KCNH1: variants seen among roughly 807,000 people sequenced by gnomAD.
The protein encoded by KCNH1 is potassium voltage-gated channel subfamily H member 1, also known as voltage-gated delayed rectifier potassium channel KCNH1.
KCNH1 carries 27 observed loss-of-function variants against 69.2 expected under a neutral mutation model. That is an observed-to-expected ratio of 0.39 (90% CI 0.29 to 0.54). The LOEUF is 0.54. Among genes scored for constraint, KCNH1 ranks in the 20% least tolerant of loss-of-function variants. The pLI, the probability that KCNH1 is intolerant of heterozygous loss-of-function variation, is 0.68. For synonymous variants in KCNH1, 456 were observed against 487.7 expected (o/e 0.93, Z 0.86); for missense variants, 798 against 1,261.6 (o/e 0.63, Z 5.57).
intron 1 of KCNH1, among the ~76,000 whole-genome samples, chr1:211,112,398 G>A (rs1197747677): frequency 1.3e-5 from 2 of 150,670 alleles, no homozygotes; most frequent in South Asian, 4.2e-4. Flanking sequence ...CTGCCCCGCC[G>A]CTGTGCAACT....
At chr1:210,935,038 T>C (rs576763671) in intron 6 of KCNH1, among the ~76,000 whole-genome samples, 2 of 151,772 alleles carry the variant, frequency 1.3e-5, no homozygotes, top group African/African-American at 2.4e-5. Context: ...GCTGCACTCA[T>C]GTTTACTATA....
At chr1:211,032,638 C>T (rs968772060) in intron 5 of KCNH1, among the ~76,000 whole-genome samples, 1 of 152,128 alleles carries the variant, frequency 6.6e-6, no homozygotes, top group African/African-American at 2.4e-5. Flanking sequence ...CTTTGACAAA[C>T]CTGACAAAAA....
intron 10 of KCNH1, among the ~76,000 whole-genome samples, chr1:210,742,140 A>C (rs1336029833): frequency 6.6e-6 from 1 of 152,206 alleles, no homozygotes; most frequent in African/African-American, 2.4e-5. Context: ...AAAGGCAGAG[A>C]ACACAAAAAA....
At chr1:210,765,342 G>A (rs1040376727) in intron 10 of KCNH1, among the ~76,000 whole-genome samples, 1 of 152,116 alleles carries the variant, frequency 6.6e-6, no homozygotes, top group Non-Finnish European at 1.5e-5. Context: ...CCAAACCTCA[G>A]CATCATGTAA....
chr1:210,743,958 G>T (rs143707295), intron 10 of KCNH1, among the ~76,000 whole-genome samples: 1 of 152,298 alleles, frequency 6.6e-6, no homozygotes, highest in African/African-American at 2.4e-5. Flanking sequence ...TGTCCATTGA[G>T]GTGGGTGGTT....
intron 10 of KCNH1, among the ~76,000 whole-genome samples, chr1:210,744,017 T>C (rs1236216116): frequency 1.3e-5 from 2 of 152,136 alleles, no homozygotes; most frequent in Non-Finnish European, 2.9e-5. Context: ...GCAGAAGGCT[T>C]TCCTAGACCA....
At chr1:211,013,187 G>A (rs1689426096) in intron 6 of KCNH1, among the ~76,000 whole-genome samples, 1 of 152,182 alleles carries the variant, frequency 6.6e-6, no homozygotes, top group Non-Finnish European at 1.5e-5. Context: ...TAAGTTAACA[G>A]GATAAGTAAT....
At chr1:210,754,561 T>C (rs965221608) in intron 10 of KCNH1, among the ~76,000 whole-genome samples, 6 of 152,064 alleles carry the variant, frequency 3.9e-5, no homozygotes, top group African/African-American at 1.2e-4. Context: ...GTTCTTATGA[T>C]AGTGAGTTCT....
intron 10 of KCNH1, among the ~76,000 whole-genome samples, chr1:210,709,407 A>G (rs1681996952): frequency 6.6e-6 from 1 of 152,180 alleles, no homozygotes; most frequent in Non-Finnish European, 1.5e-5. Context: ...TCTTCCTCAC[A>G]AGCTTCAGAG....
chr1:211,074,884 G>A (rs1281217122), intron 5 of KCNH1, among the ~76,000 whole-genome samples: 1 of 152,132 alleles, frequency 6.6e-6, no homozygotes, highest in Non-Finnish European at 1.5e-5. Flanking sequence ...GTGAATTTCG[G>A]ACACAAGCAG....
chr1:210,721,084 A>C (rs1324195433), intron 10 of KCNH1, among the ~76,000 whole-genome samples: 1 of 152,110 alleles, frequency 6.6e-6, no homozygotes, highest in Admixed American at 6.6e-5. Flanking sequence ...AGTAGAGGAA[A>C]GTCCCATGTA....
intron 6 of KCNH1, among the ~76,000 whole-genome samples, chr1:210,949,683 G>A (rs1264727440): frequency 1.3e-5 from 2 of 152,186 alleles, no homozygotes; most frequent in Non-Finnish European, 2.9e-5. Flanking sequence ...CCAGGTTTCT[G>A]CTGTTGATTT....
At chr1:210,709,518 T>C (rs934440061) in intron 10 of KCNH1, among the ~76,000 whole-genome samples, 3 of 152,172 alleles carry the variant, frequency 2.0e-5, no homozygotes, top group Non-Finnish European at 4.4e-5. Context: ...TGGTACTTTT[T>C]TACAGCCACC....
chr1:210,902,983 C>T (rs1047415997), intron 7 of KCNH1, among the ~76,000 whole-genome samples: 3 of 152,168 alleles, frequency 2.0e-5, no homozygotes, highest in African/African-American at 7.2e-5. Context: ...TCAAAAGTAG[C>T]CCCTATTTTC....
intron 6 of KCNH1, among the ~76,000 whole-genome samples, chr1:210,966,838 C>T (rs1558545298): frequency 1.3e-5 from 2 of 152,144 alleles, no homozygotes; most frequent in Non-Finnish European, 2.9e-5. Context: ...ACTAGAAATA[C>T]CATTTGACCC....
At chr1:210,728,595 T>C (rs1048785635) in intron 10 of KCNH1, among the ~76,000 whole-genome samples, 4 of 152,190 alleles carry the variant, frequency 2.6e-5, no homozygotes, top group African/African-American at 9.7e-5. Context: ...GGACTGCTGG[T>C]TTGAGGTATG....
intron 10 of KCNH1, among the ~76,000 whole-genome samples, chr1:210,684,666 A>G (rs900277339): frequency 1.3e-5 from 2 of 152,232 alleles, no homozygotes; most frequent in African/African-American, 4.8e-5. Flanking sequence ...AAGGTTTCCA[A>G]TGCCACCCAC....
intron 1 of KCNH1, among the ~76,000 whole-genome samples, chr1:211,112,505 A>AT (rs1691492042): frequency 1.1e-5 from 1 of 89,358 alleles, no homozygotes; most frequent in East Asian, 2.5e-4. Flanking sequence ...AATAAATAAA[A>AT]AAAAAAAAAA....
intron 9 of KCNH1, among the ~76,000 whole-genome samples, chr1:210,779,609 A>C (rs771018067): frequency 1.3e-5 from 2 of 152,126 alleles, no homozygotes; most frequent in Non-Finnish European, 1.5e-5. Flanking sequence ...CAATCAAACT[A>C]CTGGAGGCAA....
Sources: gnomAD v4.1 joint callset for allele counts (sites outside exome capture counted in the v4.1 genomes callset) on GRCh38, gnomAD v4.1.1 for gene constraint, MANE v1.5 for transcripts, NCBI Gene and HGNC (gene_info 2026-07-23, HGNC 2026-07-21) for gene names.